Variants in SLC39A10 observed in about 807,000 individuals in gnomAD.
SLC39A10 encodes the protein solute carrier family 39 member 10.
In SLC39A10, 13 loss-of-function variants were observed where a neutral mutation model predicts 65.1. That is an observed-to-expected ratio of 0.20 (90% CI 0.13 to 0.32). The LOEUF is 0.32. Among genes scored for constraint, SLC39A10 ranks in the 10% least tolerant of loss-of-function variants. The pLI, the probability that SLC39A10 is intolerant of heterozygous loss-of-function variation, is 1.00. For missense variants in SLC39A10, 831 were observed against 1,018.4 expected (o/e 0.82, Z 2.50); for synonymous variants, 321 against 342.2 (o/e 0.94, Z 0.68).
At chr2:195,640,096 C>G (rs1351781840) in intron 2 of SLC39A10, among the ~76,000 whole-genome samples, 1 of 152,186 alleles carries the variant, frequency 6.6e-6, no homozygotes, top group Non-Finnish European at 1.5e-5. Context: ...GACTCTTTCA[C>G]ATACCCTCAT....
chr2:195,645,287 C>A (rs1286542831), intron 2 of SLC39A10, among the ~76,000 whole-genome samples: 1 of 152,030 alleles, frequency 6.6e-6, no homozygotes, highest in Non-Finnish European at 1.5e-5. Flanking sequence ...AATGTCATTG[C>A]CTATACATTT....
At chr2:195,718,555 CAT>C (rs1691902588) in intron 8 of SLC39A10, among the ~76,000 whole-genome samples, 1 of 151,918 alleles carries the variant, frequency 6.6e-6, no homozygotes, top group South Asian at 2.1e-4. Context: ...CATTCAATAA[CAT>C]AGTTATGCTG....
At position 195,716,765 on chromosome 2, in the gene SLC39A10, C is replaced by T. The variant is rs76182486; in HGVS notation, c.1825C>T (p.His609Tyr). 4.0e-4 allele frequency: 643 copies of T among 1,614,134 alleles called. No individual in the cohort carries two copies. The African/African-American group carries it at 7.7e-3, about 19-fold the overall frequency. The change falls in exon 7 of 10, where the codon CAC (histidine) becomes TAC (tyrosine). Residue 609 changes from histidine (H) to tyrosine (Y), a missense_variant. Transcript: ENST00000359634. ...AGAGGAGAAAATCATAGACCATTCT[C>T]ACAGTGATGGATTACATACCATTCA... Reference protein sequence around the residue: ...IEEEKIIDHSHSDGLHTIHEH... With the variant: ...IEEEKIIDHSYSDGLHTIHEH...
intron 3 of SLC39A10, among the ~76,000 whole-genome samples, chr2:195,703,272 C>T (rs974868138): frequency 9.2e-5 from 14 of 152,110 alleles, no homozygotes; most frequent in African/African-American, 2.9e-4. Flanking sequence ...TAATTTAGAA[C>T]AATTCTCTTT....
intron 2 of SLC39A10, among the ~76,000 whole-genome samples, chr2:195,650,157 CTG>C (rs1689000909): frequency 6.6e-6 from 1 of 151,782 alleles, no homozygotes; most frequent in Non-Finnish European, 1.5e-5. Flanking sequence ...TGGTGGGCAG[CTG>C]TAGTCCCAGC....
intron 2 of SLC39A10, among the ~76,000 whole-genome samples, chr2:195,627,665 C>A (rs1688501658): frequency 6.6e-6 from 1 of 152,130 alleles, no homozygotes; most frequent in Non-Finnish European, 1.5e-5. Flanking sequence ...CACAGCTAGA[C>A]ATTTTCTTGT....
intron 2 of SLC39A10, among the ~76,000 whole-genome samples, chr2:195,617,503 A>C (rs1688241188): frequency 1.3e-5 from 2 of 151,994 alleles, no homozygotes. Flanking sequence ...CAGATGTTGC[A>C]GTGAGCCGGG....
intron 3 of SLC39A10, among the ~76,000 whole-genome samples, chr2:195,700,255 CTGTT>C (rs1454274924): frequency 5.9e-5 from 9 of 152,184 alleles, no homozygotes; most frequent in Admixed American, 3.3e-4. Context: ...TGTTATTTTG[CTGTT>C]TGTTTTTCTG....
At position 195,674,552 on chromosome 2, in the gene SLC39A10, T is replaced by C. The variant is rs192049186; in HGVS notation, c.-11-5480T>C. ...TCGGCCTCCCAAAGTACTGGGATTA[T>C]AGGTGTGAACCACTGCACCCGGCCT... is the stretch of plus-strand genomic sequence containing the variant. On this transcript the variant is annotated intron_variant, in intron 1 of 9. Coordinates refer to ENST00000359634, the MANE Select transcript of SLC39A10 (RefSeq NM_020342.3). The C allele has an allele frequency of 2.1e-3, 2,073 of 983,764 alleles. 4 individuals are homozygous for C. Among genetic ancestry groups the C allele is most frequent in the Non-Finnish European group, 2.4e-3 (2,001 of 828,476 alleles). 60.9% of individuals were successfully genotyped at this position (983,764 alleles called of 1,614,324 possible). A position where few individuals can be genotyped will look rare whatever the true frequency, so the allele number is the denominator to read the frequency against.
chr2:195,645,256 TATAACA>T (rs1239091373), intron 2 of SLC39A10, among the ~76,000 whole-genome samples: 2 of 151,732 alleles, frequency 1.3e-5, no homozygotes, highest in Non-Finnish European at 2.9e-5. Flanking sequence ...TGGGCAGAGG[TATAACA>T]GCATCATACT....
chr2:195,737,280 C>CTAAT lies in SLC39A10; in HGVS notation c.*2241_*2244dup, dbSNP rs1322835964. 3 of 152,724 alleles carry CTAAT rather than the reference C, an allele frequency of 2.0e-5. No individual in the cohort carries two copies. Among genetic ancestry groups the CTAAT allele is most frequent in the Non-Finnish European group, 4.4e-5 (3 of 68,154 alleles). 9.5% of individuals were successfully genotyped at this position (152,724 alleles called of 1,614,324 possible). A position where few individuals can be genotyped will look rare whatever the true frequency, so the allele number is the denominator to read the frequency against. On this transcript the variant is annotated 3_prime_UTR_variant, in exon 10 of 10. Transcript: ENST00000359634. ...CAACATTCCTTTTAGCTTGACCAGT[C>CTAAT]TAATTTAAAATGTGTTTGTTGGAGG... is the stretch of plus-strand genomic sequence containing the variant.
At chr2:195,660,613 G>A (rs13489) in intron 1 of SLC39A10, among the ~76,000 whole-genome samples, 3,229 of 152,224 alleles carry the variant, frequency 0.021, 53 homozygotes, top group Non-Finnish European at 0.032. Flanking sequence ...TAAGATGGAC[G>A]TAAGTGTTTT....
chr2:195,716,753 A>G lies in SLC39A10; in HGVS notation c.1813A>G (p.Ile605Val), dbSNP rs1691826991. The G allele has an allele frequency of 1.9e-6, 3 of 1,614,098 alleles. No individual in the cohort carries two copies. Among genetic ancestry groups the G allele is most frequent in the African/African-American group, 1.3e-5 (1 of 74,936 alleles). Residue 605 changes from isoleucine to valine, a missense_variant, in exon 7 of 10, where the codon ATA (isoleucine) becomes GTA (valine). Ile to Val is a conservative substitution (Grantham distance 29). Around this residue, in one of 4 missense-constraint regions of SLC39A10, gnomAD observed 230 missense variants for 242.9 expected, o/e 0.95. Transcript: ENST00000359634. ...CCTTTGTATAGAAGAGGAGAAAATCATAGACCATTCTCACAGTGATGGATT... is the reference window on the plus strand; with the variant it reads ...CCTTTGTATAGAAGAGGAGAAAATCGTAGACCATTCTCACAGTGATGGATT... The part of the protein sequence containing the change: ...NYLCIEEEKI[I>V]DHSHSDGLHT...
At chr2:195,690,202 A>G (rs1690685070) in intron 3 of SLC39A10, among the ~76,000 whole-genome samples, 2 of 146,474 alleles carry the variant, frequency 1.4e-5, no homozygotes, top group South Asian at 4.4e-4. Flanking sequence ...AAAAAAAAGA[A>G]AGAAATTCCT....
chr2:195,724,504 A>G (rs1338775194), intron 8 of SLC39A10, among the ~76,000 whole-genome samples: 1 of 152,194 alleles, frequency 6.6e-6, no homozygotes, highest in Non-Finnish European at 1.5e-5. Flanking sequence ...ACTTGATACA[A>G]AGATAAGTAT....
chr2:195,643,714 T>G (rs1688855185), intron 2 of SLC39A10, among the ~76,000 whole-genome samples: 1 of 152,242 alleles, frequency 6.6e-6, no homozygotes, highest in Non-Finnish European at 1.5e-5. Flanking sequence ...CCTTCTTACC[T>G]GTCCTCTACT....
At chr2:195,620,910 C>A (rs1358433255) in intron 2 of SLC39A10, among the ~76,000 whole-genome samples, 1 of 152,128 alleles carries the variant, frequency 6.6e-6, no homozygotes, top group Non-Finnish European at 1.5e-5. Flanking sequence ...GCCATAGTTC[C>A]CACTTCTTGG....
At chr2:195,675,972 C>T (rs1308992300) in intron 1 of SLC39A10, among the ~76,000 whole-genome samples, 3 of 151,888 alleles carry the variant, frequency 2.0e-5, no homozygotes, top group South Asian at 2.1e-4. Flanking sequence ...GTCTTAGAGC[C>T]TTATCTAGAT....
At chr2:195,722,005 T>G (rs977198044) in intron 8 of SLC39A10, among the ~76,000 whole-genome samples, 3 of 152,352 alleles carry the variant, frequency 2.0e-5, no homozygotes, top group African/African-American at 7.2e-5. Context: ...ACACAAGGGC[T>G]GATAACCACA....
Sources: allele counts gnomAD v4.1 joint callset (sites outside exome capture counted in the v4.1 genomes callset), GRCh38; gene constraint gnomAD v4.1.1; regional missense constraint gnomAD v4.1.1; transcripts MANE v1.5; gene names NCBI Gene and HGNC (gene_info 2026-07-23, HGNC 2026-07-21).